The following KCNJ6 variants were observed in gnomAD, a reference collection of about 807,000 sequenced individuals.
KCNJ6 encodes G protein-activated inward rectifier potassium channel 2.
Under a neutral mutation model 34.2 loss-of-function variants are expected in KCNJ6, and 9 were observed. The ratio of observed to expected loss-of-function variants is 0.26; its 90% confidence interval spans 0.16 to 0.46. The LOEUF is 0.46. Ranked by LOEUF, KCNJ6 falls within the 20% of genes least tolerant of loss-of-function variation. KCNJ6 has a pLI of 1.00. For missense variants in KCNJ6, 236 were observed against 531.3 expected (o/e 0.44, Z 5.46); for synonymous variants, 196 against 207.1 (o/e 0.95, Z 0.46).
chr21:37,678,588 C>A (rs1439581702), intron 3 of KCNJ6, among the ~76,000 whole-genome samples: 2 of 152,190 alleles, frequency 1.3e-5, no homozygotes, highest in East Asian at 3.8e-4. Flanking sequence ...GGACTACCTG[C>A]ACTGAGCAAT....
chr21:37,677,869 C>A (rs1430625279), intron 3 of KCNJ6, among the ~76,000 whole-genome samples: 2 of 151,436 alleles, frequency 1.3e-5, no homozygotes. Flanking sequence ...ACCCATTCAT[C>A]AACACACCCT....
chr21:37,877,242 G>C (rs977194270), intron 1 of KCNJ6, among the ~76,000 whole-genome samples: 1 of 152,094 alleles, frequency 6.6e-6, no homozygotes, highest in Non-Finnish European at 1.5e-5. Flanking sequence ...TTCTCCCCAG[G>C]TCTCTCCTGA....
rs554301686 is a variant in KCNJ6 at position 37,718,735 on chromosome 21, C to T, written c.26-3604G>A. Among the ~76,000 whole-genome samples, 5 of 152,178 alleles carry T rather than the reference C, an allele frequency of 3.3e-5. No homozygotes were observed. In the South Asian group the frequency reaches 1.0e-3, roughly 32 times the overall value. On this transcript the variant is annotated intron_variant, in intron 2 of 3. Transcript: ENST00000609713. ...AATGTAAATGACAAGTTGATGGGTG[C>T]AGCACACCAACATGGCACATGTATA...
At chr21:37,764,449 G>A (rs921152912) in intron 2 of KCNJ6, among the ~76,000 whole-genome samples, 2 of 150,220 alleles carry the variant, frequency 1.3e-5, no homozygotes, top group Non-Finnish European at 2.9e-5. Context: ...CACAATCTTA[G>A]CTCACTGCAA....
rs760597650 is a variant in KCNJ6 at position 37,914,008 on chromosome 21, G to GGC, written c.-28+1875_-28+1876insGC. ...GCAACCCTCGTCAGAGGCGGATCGG[G>GGC]GTGTGTGTGTGTGTGTGTGTGTGTG... On this transcript the variant is annotated intron_variant, in intron 1 of 3. Coordinates refer to ENST00000609713, the MANE Select transcript of KCNJ6 (RefSeq NM_002240.5). Among the ~76,000 whole-genome samples the GGC allele has an allele frequency of 2.2e-3, 301 of 135,584 alleles. 1 individual carries two copies. The highest frequency in any genetic ancestry group is 7.5e-3 in the Middle Eastern group (2 of 268). The allele number at this position is 135,584 out of a possible 152,430, so 88.9% of individuals were successfully genotyped here. A position where few individuals can be genotyped will look rare whatever the true frequency, so the allele number is the denominator to read the frequency against.
At chr21:37,659,503 G>A (rs2054478584) in intron 3 of KCNJ6, among the ~76,000 whole-genome samples, 1 of 152,198 alleles carries the variant, frequency 6.6e-6, no homozygotes, top group South Asian at 2.1e-4. Flanking sequence ...AGAAGAAGAT[G>A]AGAATGGAAA....
intron 3 of KCNJ6, among the ~76,000 whole-genome samples, chr21:37,693,263 GC>G (rs5843851): frequency 1 from 152,350 of 152,350 alleles, 76,175 homozygotes; most frequent in Non-Finnish European, 1. Context: ...CTCGTTCAAT[GC>G]CCACATAAGC....
At chr21:37,898,242 G>A (rs895042749) in intron 1 of KCNJ6, among the ~76,000 whole-genome samples, 1 of 152,190 alleles carries the variant, frequency 6.6e-6, no homozygotes, top group Non-Finnish European at 1.5e-5. Flanking sequence ...TGCCCTTACC[G>A]GTCATGGAAA....
Position 37,711,799 on chromosome 21 carries a change from C to CG in KCNJ6, c.946+2411_946+2412insC, listed in dbSNP as rs374847282. 4.4e-5 allele frequency among the ~76,000 whole-genome samples: 6 copies of CG among 134,964 alleles called. No homozygotes were observed. In the East Asian group the frequency reaches 2.1e-3, roughly 47 times the overall value. The allele number at this position is 134,964 out of a possible 152,430, so 88.5% of individuals were successfully genotyped here. ...AGACACCTCCAGAACTTTCTAGAAC[C>CG]CCCCCCCCAAGTCTAGAAATTAGAA... is the stretch of plus-strand genomic sequence containing the variant. On this transcript the variant is annotated intron_variant, in intron 3 of 3. Transcript: ENST00000609713.
chr21:37,793,236 C>T (rs566829782), intron 2 of KCNJ6, among the ~76,000 whole-genome samples: 37 of 152,246 alleles, frequency 2.4e-4, no homozygotes, highest in African/African-American at 8.2e-4. Context: ...GCTTGTCAGA[C>T]AAAGCAGGTT....
intron 2 of KCNJ6, among the ~76,000 whole-genome samples, chr21:37,809,398 A>G (rs1161534259): frequency 2.0e-5 from 3 of 151,868 alleles, no homozygotes; most frequent in Non-Finnish European, 4.4e-5. Flanking sequence ...GGGGGGAGGG[A>G]TAGCATTAGG....
intron 1 of KCNJ6, among the ~76,000 whole-genome samples, chr21:37,914,214 T>G (rs1185651910): frequency 6.6e-6 from 1 of 152,162 alleles, no homozygotes; most frequent in East Asian, 1.9e-4. Context: ...TTGCCTCACG[T>G]AATTCCGTGG....
At chr21:37,749,589 T>C (rs919038904) in intron 2 of KCNJ6, among the ~76,000 whole-genome samples, 1 of 152,114 alleles carries the variant, frequency 6.6e-6, no homozygotes, top group African/African-American at 2.4e-5. Flanking sequence ...TCCAAGAGGA[T>C]TTAGACTGCA....
At chr21:37,832,950 G>A (rs1016684666) in intron 2 of KCNJ6, among the ~76,000 whole-genome samples, 14 of 152,080 alleles carry the variant, frequency 9.2e-5, no homozygotes, top group African/African-American at 3.1e-4. Flanking sequence ...GGTAGTGGTG[G>A]TCCCCAGCCA....
intron 2 of KCNJ6, among the ~76,000 whole-genome samples, chr21:37,792,194 G>T (rs532467787): frequency 6.6e-6 from 1 of 152,230 alleles, no homozygotes; most frequent in African/African-American, 2.4e-5. Flanking sequence ...AAATGCTTGT[G>T]CATCAGCTGC....
intron 2 of KCNJ6, among the ~76,000 whole-genome samples, chr21:37,804,431 CTTTAT>C (rs998223353): frequency 1.3e-5 from 2 of 152,238 alleles, no homozygotes; most frequent in East Asian, 1.9e-4. Flanking sequence ...TTTTATTTAA[CTTTAT>C]TTTAATTTCA....
At chr21:37,646,474 G>A (rs1601401585) in intron 3 of KCNJ6, among the ~76,000 whole-genome samples, 1 of 152,046 alleles carries the variant, frequency 6.6e-6, no homozygotes, top group Non-Finnish European at 1.5e-5. Flanking sequence ...AAAGACGAGC[G>A]GGAGCTGAGT....
intron 3 of KCNJ6, among the ~76,000 whole-genome samples, chr21:37,666,186 G>C (rs1369421461): frequency 6.6e-6 from 1 of 152,172 alleles, no homozygotes; most frequent in Non-Finnish European, 1.5e-5. Context: ...GGAGAAGATG[G>C]GTACACAGGC....
chr21:37,623,530 C>G lies in KCNJ6; in HGVS notation c.*1629G>C, dbSNP rs1294431335. ...GTAACAGTGCAAAATCTCCACCTGC[C>G]CCGGAGGTTTGATCTAAGATTTGTT... On this transcript the variant is annotated 3_prime_UTR_variant, in exon 4 of 4. Transcript: ENST00000609713. 1 of 152,092 alleles carries G rather than the reference C, an allele frequency of 6.6e-6. No individual in the cohort carries two copies. Among genetic ancestry groups the G allele is most frequent in the Non-Finnish European group, 1.5e-5 (1 of 68,008 alleles). 9.4% of individuals were successfully genotyped at this position (152,092 alleles called of 1,614,324 possible). A position where few individuals can be genotyped will look rare whatever the true frequency, so the allele number is the denominator to read the frequency against.
Sources: gnomAD v4.1 joint callset for allele counts (sites outside exome capture counted in the v4.1 genomes callset) on GRCh38, gnomAD v4.1.1 for gene constraint, MANE v1.5 for transcripts, NCBI Gene and HGNC (gene_info 2026-07-23, HGNC 2026-07-21) for gene names.